MBTD1: variants seen among roughly 807,000 people sequenced by gnomAD.
MBTD1 encodes the protein mbt domain containing 1, also known as MBT domain-containing protein 1.
MBTD1 carries 24 observed loss-of-function variants against 87.8 expected under a neutral mutation model. That is an observed-to-expected ratio of 0.27 (90% CI 0.20 to 0.38). The LOEUF is 0.38. MBTD1 is among the 10% of genes least tolerant of loss of function. The probability of loss-of-function intolerance (pLI) is 1.00; values close to 1 mark genes in which losing one functional copy is unlikely to be tolerated. For missense variants in MBTD1, 436 were observed against 760.2 expected (o/e 0.57, Z 5.02); for synonymous variants, 237 against 248.6 (o/e 0.95, Z 0.44).
At chr17:51,258,035 T>G (rs1355216098) in intron 2 of MBTD1, among the ~76,000 whole-genome samples, 2 of 151,922 alleles carry the variant, frequency 1.3e-5, no homozygotes, top group Admixed American at 1.3e-4. Context: ...TACAGCTATT[T>G]TCTTTCTAAA....
At chr17:51,259,549 G>A (rs997004769) in intron 1 of MBTD1, among the ~76,000 whole-genome samples, 2 of 152,150 alleles carry the variant, frequency 1.3e-5, no homozygotes, top group African/African-American at 2.4e-5. Context: ...AGAGCAGGGG[G>A]CGGGGGCAGG....
intron 13 of MBTD1, 147 bp from the exon 14 acceptor site, chr17:51,193,657 G>A (rs12453388): frequency 0.4 from 238,446 of 589,994 alleles, 50,056 homozygotes; most frequent in Admixed American, 0.44. Context: ...TTGCTCTGTC[G>A]CCCAGGCTGG....
chr17:51,201,831 G>C (rs1434550821), intron 11 of MBTD1, 135 bp from the exon 12 acceptor site: 1 of 753,192 alleles, frequency 1.3e-6, no homozygotes, highest in Admixed American at 2.6e-5. Context: ...TTCCATTAAG[G>C]TTTAGAGAGA....
chr17:51,254,895 T>C (rs1279706580), intron 2 of MBTD1, among the ~76,000 whole-genome samples: 4 of 152,222 alleles, frequency 2.6e-5, no homozygotes, highest in African/African-American at 9.6e-5. Context: ...TTATCAGCTA[T>C]CAATTCTACC....
intron 2 of MBTD1, among the ~76,000 whole-genome samples, chr17:51,235,866 A>G (rs1405159587): frequency 6.6e-6 from 1 of 152,220 alleles, no homozygotes; most frequent in Non-Finnish European, 1.5e-5. Context: ...TCAGAAGAAC[A>G]AAGTTAAGAC....
chr17:51,238,917 T>C (rs113345271), intron 2 of MBTD1, among the ~76,000 whole-genome samples: 17 of 152,166 alleles, frequency 1.1e-4, no homozygotes, highest in African/African-American at 1.7e-4. Context: ...CTGGCTAACA[T>C]GGTAAAACCC....
In MBTD1 at chr17:51,204,242, T is replaced by C. The variant is rs532392573; in HGVS notation, c.605-317A>G. Among the ~76,000 whole-genome samples, 10 of 152,178 alleles carry C rather than the reference T, an allele frequency of 6.6e-5. No individual in the cohort carries two copies. The East Asian group carries it at 1.7e-3, about 26-fold the overall frequency. On this transcript the variant is annotated intron_variant, in intron 7 of 16. Coordinates refer to ENST00000586178, the MANE Select transcript of MBTD1 (RefSeq NM_017643.3). ...CATGGCATCCTTACATGTATTTCAA[T>C]TGTACCCATAATTTCTTTTTCTTTT...
At chr17:51,260,738 G>A (rs1451908252), upstream of MBTD1, 3 of 1,587,884 alleles carry the variant, frequency 1.9e-6, no homozygotes, top group African/African-American at 1.3e-5. Flanking sequence ...GAAACCGCCG[G>A]CCCGGCCGAG....
At chr17:51,195,415 A>C in intron 12 of MBTD1, 54 bp from the exon 13 acceptor site, 1 of 1,396,792 alleles carries the variant, frequency 7.2e-7, no homozygotes, top group Non-Finnish European at 9.7e-7. Flanking sequence ...CTATTATAAA[A>C]ATAATACTTT....
intron 2 of MBTD1, among the ~76,000 whole-genome samples, chr17:51,251,966 T>C (rs2054812220): frequency 6.6e-6 from 1 of 152,184 alleles, no homozygotes; most frequent in South Asian, 2.1e-4. Context: ...GGTTTCGCCA[T>C]GTTGGCCAGG....
chr17:51,190,750 A>AAAAAAATATATATATATATAT (rs1555677185), intron 16 of MBTD1, among the ~76,000 whole-genome samples: 1 of 39,712 alleles, frequency 2.5e-5, no homozygotes, highest in African/African-American at 1.5e-4. Context: ...AAAAAAAAAA[A>AAAAAAATATATATATATATAT]ATATATATAT....
At chr17:51,258,082 T>C (rs901538463) in intron 2 of MBTD1, among the ~76,000 whole-genome samples, 1 of 147,946 alleles carries the variant, frequency 6.8e-6, no homozygotes, top group African/African-American at 2.5e-5. Flanking sequence ...AAAAATAAAA[T>C]AACAGTCTAA....
In MBTD1 at chr17:51,192,358, T is replaced by A. The variant is rs564818156; in HGVS notation, c.1691-78A>T. The A allele has an allele frequency of 6.6e-5, 65 of 986,090 alleles. No individual in the cohort carries two copies. In the East Asian group the frequency reaches 1.6e-3, roughly 24 times the overall value. The allele number at this position is 986,090 out of a possible 1,614,324, so 61.1% of individuals were successfully genotyped here. A position where few individuals can be genotyped will look rare whatever the true frequency, so the allele number is the denominator to read the frequency against. On this transcript the variant is annotated intron_variant, in intron 15 of 16. Coordinates refer to ENST00000586178, the MANE Select transcript of MBTD1 (RefSeq NM_017643.3). The stretch of plus-strand genomic sequence containing the variant: ...GATACAGTTGTCTAGATACAACTTA[T>A]ATGAACTATCTTTACCAAGACCATT...
At chr17:51,229,746 C>T (rs2053448229) in intron 2 of MBTD1, among the ~76,000 whole-genome samples, 1 of 151,250 alleles carries the variant, frequency 6.6e-6, no homozygotes. Context: ...CTGCAAGCTC[C>T]GTCTCCTGGG....
intron 16 of MBTD1, chr17:51,183,149 C>T (rs1204715406): frequency 7.0e-6 from 1 of 143,838 alleles, no homozygotes; most frequent in Non-Finnish European, 1.5e-5. Flanking sequence ...ATCTTACTTG[C>T]TAATTTAAAG....
chr17:51,259,801 G>C, intron 1 of MBTD1, 34 bp downstream of exon 1: 1 of 1,232,662 alleles, frequency 8.1e-7, no homozygotes. Flanking sequence ...CCCCCCACCT[G>C]GCACACAAAG....
intron 2 of MBTD1, among the ~76,000 whole-genome samples, chr17:51,235,084 A>G (rs1340284267): frequency 6.6e-6 from 1 of 152,200 alleles, no homozygotes; most frequent in African/African-American, 2.4e-5. Context: ...TCCCCAAACC[A>G]GATAAAGCAA....
At chr17:51,250,876 T>G (rs1293630847) in intron 2 of MBTD1, 1 of 152,222 alleles carries the variant, frequency 6.6e-6, no homozygotes. Flanking sequence ...CTCATCTCAA[T>G]TATCCTGTTT....
chr17:51,192,755 G>A (rs775979649), intron 15 of MBTD1, 27 bp downstream of exon 15: 13 of 1,610,006 alleles, frequency 8.1e-6, no homozygotes, highest in African/African-American at 1.3e-5. Flanking sequence ...TTTTACAAAA[G>A]GACACCTTTT....
Sources: gnomAD v4.1 joint callset for allele counts (sites outside exome capture counted in the v4.1 genomes callset) on GRCh38, gnomAD v4.1.1 for gene constraint, MANE v1.5 for transcripts, NCBI Gene and HGNC (gene_info 2026-07-23, HGNC 2026-07-21) for gene names.